Variants in SNHG17 observed in about 807,000 individuals in gnomAD.
SNHG17 encodes small nucleolar RNA host gene 17 (non-protein coding).
At chr20:38,423,155 T>A (rs575345613) in intron 5 of SNHG17, among the ~76,000 whole-genome samples, 16 of 151,056 alleles carry the variant, frequency 1.1e-4, no homozygotes, top group Non-Finnish European at 2.4e-4. Flanking sequence ...CCAGCACTTT[T>A]GGAAGCGAAA....
At chr20:38,429,528 G>C in intron 3 of SNHG17, 1 of 298,434 alleles carries the variant, frequency 3.4e-6, no homozygotes. Flanking sequence ...CAGCCCTTCT[G>C]CTCCATGAGG....
At chr20:38,431,294 G>A (rs541565374) in intron 2 of SNHG17, among the ~76,000 whole-genome samples, 4 of 152,314 alleles carry the variant, frequency 2.6e-5, no homozygotes, top group South Asian at 2.1e-4. Context: ...AGGTCATCCC[G>A]TCTGAAATGG....
chr20:38,432,924 A>G lies in SNHG17; in HGVS notation n.308+1580T>C, dbSNP rs6025602. The stretch of plus-strand genomic sequence containing the variant: ...CTCAGTCTCCCAAAGTGCTAGGATT[A>G]CAGGTGTGAGCCACCACGACCAGCC... On this transcript the variant is annotated intron_variant and non_coding_transcript_variant, in intron 2 of 8. Coordinates refer to ENST00000654008, the Ensembl canonical transcript of SNHG17. 9.9e-4 allele frequency among the ~76,000 whole-genome samples: 150 copies of G among 152,268 alleles called. 1 individual carries two copies. Among genetic ancestry groups the G allele is most frequent in the African/African-American group, 3.3e-3 (139 of 41,550 alleles).
At chr20:38,431,959 T>TG (rs2084348215) in intron 2 of SNHG17, 1 of 981,722 alleles carries the variant, frequency 1.0e-6, no homozygotes, top group Admixed American at 6.1e-5. Context: ...CCCACCCTTG[T>TG]GGGACACAAA....
At chr20:38,435,311 G>C (rs1464054576) in exon 1 of SNHG17, 1 of 1,231,456 alleles carries the variant, frequency 8.1e-7, no homozygotes, top group East Asian at 3.2e-5. Flanking sequence ...GAAGGACGGC[G>C]AGGGACGGCG....
At chr20:38,424,184 TA>T (rs11350648) in intron 5 of SNHG17, among the ~76,000 whole-genome samples, 6 of 145,558 alleles carry the variant, frequency 4.1e-5, no homozygotes, top group African/African-American at 1.0e-4. Context: ...AAAAAAAAAT[TA>T]AAAAAAAAAG....
intron 5 of SNHG17, among the ~76,000 whole-genome samples, chr20:38,425,542 T>G (rs550307203): frequency 6.6e-6 from 1 of 152,274 alleles, no homozygotes; most frequent in Non-Finnish European, 1.5e-5. Context: ...TAAGCCAGAT[T>G]GCTGGCTCCA....
At chr20:38,432,297 TGTTG>T in intron 2 of SNHG17, 1 of 393,660 alleles carries the variant, frequency 2.5e-6, no homozygotes, top group Non-Finnish European at 3.5e-6. Flanking sequence ...ATGCACATAT[TGTTG>T]AATTTGTGAT....
chr20:38,426,995 T>TATACACAC (rs1323738521), intron 3 of SNHG17, among the ~76,000 whole-genome samples: 17 of 125,648 alleles, frequency 1.4e-4, no homozygotes, highest in African/African-American at 4.5e-4. Context: ...AAGTTACACA[T>TATACACAC]ACACACACAC....
At chr20:38,425,701 A>G (rs2084235036) in intron 5 of SNHG17, among the ~76,000 whole-genome samples, 1 of 152,192 alleles carries the variant, frequency 6.6e-6, no homozygotes, top group Admixed American at 6.5e-5. Flanking sequence ...AATGAGATGG[A>G]AGATCAACTC....
At chr20:38,429,875 C>T in intron 3 of SNHG17, 1 of 493,466 alleles carries the variant, frequency 2.0e-6, no homozygotes, top group South Asian at 1.5e-5. Flanking sequence ...TCACCTGGAA[C>T]AGAACAGCTG....
chr20:38,421,887 T>G (rs1484790260), intron 6 of SNHG17: 1 of 152,168 alleles, frequency 6.6e-6, no homozygotes, highest in Non-Finnish European at 1.5e-5. Flanking sequence ...CGTGTGTCCT[T>G]CTAAGACCCC....
chr20:38,426,777 G>C (rs2084254980), intron 3 of SNHG17, among the ~76,000 whole-genome samples: 1 of 150,778 alleles, frequency 6.6e-6, no homozygotes, highest in Admixed American at 6.6e-5. Flanking sequence ...GGTGGCCAGT[G>C]AGTGACACCA....
At chr20:38,425,190 T>C (rs752967414) in intron 5 of SNHG17, 3 of 518,686 alleles carry the variant, frequency 5.8e-6, no homozygotes, top group South Asian at 1.4e-5. Context: ...CTGGTGAGAA[T>C]AAAGGCATGT....
chr20:38,427,446 G>GA (rs1315588757), intron 3 of SNHG17: 3 of 514,752 alleles, frequency 5.8e-6, no homozygotes, highest in Non-Finnish European at 1.2e-5. Flanking sequence ...TGCAGGAGCA[G>GA]AAACAGACAG....
At chr20:38,433,270 C>T (rs2084368202) in intron 2 of SNHG17, among the ~76,000 whole-genome samples, 2 of 152,190 alleles carry the variant, frequency 1.3e-5, no homozygotes, top group African/African-American at 4.8e-5. Flanking sequence ...GCCATTGCAC[C>T]CGGCCCATCT....
chr20:38,422,211 A>C (rs1354615085), exon 6 of SNHG17: 2 of 152,344 alleles, frequency 1.3e-5, no homozygotes, highest in Non-Finnish European at 2.9e-5. Flanking sequence ...CTTCCCCTAC[A>C]TCATCCAAGC....
chr20:38,425,224 G>A, intron 5 of SNHG17: 1 of 519,184 alleles, frequency 1.9e-6, no homozygotes, highest in Non-Finnish European at 3.8e-6. Flanking sequence ...AGTTTGGAAG[G>A]GATAGGAGTG....
chr20:38,431,253 A>G (rs1351708050), intron 2 of SNHG17: 1 of 152,270 alleles, frequency 6.6e-6, no homozygotes, highest in Admixed American at 6.5e-5. Flanking sequence ...CAGCTTGTCT[A>G]GCCCATCCTG....
Sources: allele counts gnomAD v4.1 joint callset (sites outside exome capture counted in the v4.1 genomes callset), GRCh38; gene constraint gnomAD v4.1.1; transcripts MANE v1.5; gene names NCBI Gene and HGNC (gene_info 2026-07-23, HGNC 2026-07-21).